LRRC43: variants seen among roughly 807,000 people sequenced by gnomAD.
The protein encoded by LRRC43 is leucine-rich repeat-containing protein 43.
Under a neutral mutation model 64.3 loss-of-function variants are expected in LRRC43, and 62 were observed. The observed-to-expected ratio is 0.96, with a 90% CI of 0.79 to 1.19. The LOEUF (loss-of-function observed/expected upper bound fraction) is 1.19, where lower values mean the gene tolerates loss of function less well. Ranked by LOEUF, LRRC43 falls within the 50% of genes most tolerant of loss-of-function variation. The pLI is 0.00. For synonymous variants in LRRC43, 422 were observed against 382.3 expected, an observed-to-expected ratio of 1.10 and a Z score of -1.21; for missense variants, 868 against 845.0, an observed-to-expected ratio of 1.03 and a Z score of -0.34.
chr12:122,183,339 G>A (rs1474190640), intron 1 of LRRC43, 45 bp downstream of exon 1: 2 of 1,399,832 alleles, frequency 1.4e-6, no homozygotes, highest in Non-Finnish European at 1.8e-6. Flanking sequence ...GACCGGCTGC[G>A]GGGAGGCACG....
intron 2 of LRRC43, among the ~76,000 whole-genome samples, chr12:122,185,134 C>T (rs925913506): frequency 6.6e-6 from 1 of 152,064 alleles, no homozygotes; most frequent in Non-Finnish European, 1.5e-5. Context: ...TGGTGTAGTT[C>T]TATTTTAATT....
chr12:122,203,440 T>C lies in LRRC43; in HGVS notation c.1969T>C (p.Ter657GlnextTer?), dbSNP rs753331302. The C allele has an allele frequency of 1.2e-6, 2 of 1,610,460 alleles. No individual in the cohort carries two copies. The highest frequency in any genetic ancestry group is 2.2e-5 in the East Asian group (1 of 44,824). Residue 657 changes from the stop codon to glutamine (Q), a stop_lost, in exon 12 of 12, where the codon TAG (stop) becomes CAG (glutamine). Transcript: ENST00000339777. Reference protein sequence around the residue: ...AEEALRMFAV* With the variant: ...AEEALRMFAVQ ...GGAGGCTCTGCGCATGTTCGCCGTG[T>C]AGGGCGTGGGCAGTAAAGGCTGTTC...
At chr12:122,173,340 A>G (rs1322516846) in intron 1 of LRRC43, among the ~76,000 whole-genome samples, 25 of 152,226 alleles carry the variant, frequency 1.6e-4, no homozygotes, top group Non-Finnish European at 4.4e-5. Context: ...TGAGAAGAGT[A>G]ATGCCAATTT....
chr12:122,194,812 C>G (rs1485909200), intron 7 of LRRC43, among the ~76,000 whole-genome samples: 1 of 152,050 alleles, frequency 6.6e-6, no homozygotes, highest in Admixed American at 6.6e-5. Flanking sequence ...ATTCTCACCC[C>G]CATTTCCTTC....
chr12:122,187,506 A>G (rs550705478), intron 3 of LRRC43, 195 bp from the exon 4 acceptor site: 38 of 547,568 alleles, frequency 6.9e-5, no homozygotes, highest in African/African-American at 4.9e-4. Context: ...ACAAAAGGAA[A>G]AGAAACTTCC....
upstream of LRRC43, among the ~76,000 whole-genome samples, chr12:122,178,464 T>TCAAAATCAAC (rs1953555604): frequency 6.6e-6 from 1 of 151,628 alleles, no homozygotes; most frequent in East Asian, 1.9e-4. Flanking sequence ...CAGTGATACC[T>TCAAAATCAAC]CAAAATCAAC....
At chr12:122,192,605 T>TTCC (rs1953730732) in intron 6 of LRRC43, 140 bp from the exon 7 acceptor site, 1 of 938,882 alleles carries the variant, frequency 1.1e-6, no homozygotes, top group Non-Finnish European at 1.6e-6. Context: ...TCTAAGCGCC[T>TTCC]TCCTGCCTCC....
At chr12:122,170,244 T>G (rs1953473225) in intron 1 of LRRC43, among the ~76,000 whole-genome samples, 1 of 152,152 alleles carries the variant, frequency 6.6e-6, no homozygotes, top group African/African-American at 2.4e-5. Context: ...TGTAGGACAG[T>G]CAAAAAGAGA....
At chr12:122,196,309 T>C (rs1196295555) in intron 7 of LRRC43, among the ~76,000 whole-genome samples, 2 of 152,252 alleles carry the variant, frequency 1.3e-5, no homozygotes, top group African/African-American at 2.4e-5. Context: ...TTAAGTTATA[T>C]TCCTTAGTTT....
At chr12:122,174,844 CTTTTTTT>C (rs765071459) in intron 1 of LRRC43, among the ~76,000 whole-genome samples, 2 of 142,308 alleles carry the variant, frequency 1.4e-5, no homozygotes, top group African/African-American at 2.6e-5. Context: ...TATCTTTTTT[CTTTTTTT>C]TTTTTTTGAG....
chr12:122,181,052 C>A (rs1246012631), upstream of LRRC43, among the ~76,000 whole-genome samples: 1 of 150,868 alleles, frequency 6.6e-6, no homozygotes, highest in Non-Finnish European at 1.5e-5. Context: ...CCCATCTGTA[C>A]TAAAAATACA....
chr12:122,182,922 A>G, upstream of LRRC43: 1 of 606,948 alleles, frequency 1.6e-6, no homozygotes, highest in Non-Finnish European at 2.7e-6. Flanking sequence ...GCTAAGAAAC[A>G]GGTCAGCTAT....
At chr12:122,180,853 T>C (rs1953575205), upstream of LRRC43, among the ~76,000 whole-genome samples, 1 of 152,166 alleles carries the variant, frequency 6.6e-6, no homozygotes, top group African/African-American at 2.4e-5. Flanking sequence ...CCATCAAAAT[T>C]GCAGGAGCCA....
chr12:122,195,322 C>T (rs78888605), intron 7 of LRRC43, among the ~76,000 whole-genome samples: 5,122 of 151,666 alleles, frequency 0.034, 303 homozygotes, highest in African/African-American at 0.12. Flanking sequence ...GATCTTGGCT[C>T]ACTGCAACCT....
chr12:122,203,068 G>C (rs1381661582), intron 11 of LRRC43, among the ~76,000 whole-genome samples: 1 of 152,200 alleles, frequency 6.6e-6, no homozygotes, highest in Non-Finnish European at 1.5e-5. Context: ...TCCAGCCTGG[G>C]CGACGGAGCA....
intron 7 of LRRC43, among the ~76,000 whole-genome samples, chr12:122,193,312 C>T (rs1447065371): frequency 7.7e-6 from 1 of 130,384 alleles, no homozygotes. Flanking sequence ...ACCCAGGAGG[C>T]GGGGCTTGCA....
intron 11 of LRRC43, among the ~76,000 whole-genome samples, chr12:122,201,691 A>G (rs1953840570): frequency 6.6e-6 from 1 of 152,204 alleles, no homozygotes; most frequent in Non-Finnish European, 1.5e-5. Context: ...GAGCTGGAGA[A>G]GCATCTGAAA....
intron 1 of LRRC43, among the ~76,000 whole-genome samples, chr12:122,171,676 A>G (rs958136490): frequency 6.6e-6 from 1 of 151,714 alleles, no homozygotes; most frequent in Admixed American, 6.6e-5. Context: ...GGCCATCACC[A>G]TCGCCATTTC....
At chr12:122,168,111 G>A (rs1953455856) in intron 1 of LRRC43, among the ~76,000 whole-genome samples, 2 of 146,198 alleles carry the variant, frequency 1.4e-5, no homozygotes, top group South Asian at 4.6e-4. Context: ...CAACACACCT[G>A]GCAAAAAAAA....
Sources: gnomAD v4.1 joint callset for allele counts (sites outside exome capture counted in the v4.1 genomes callset) on GRCh38, gnomAD v4.1.1 for gene constraint, MANE v1.5 for transcripts, NCBI Gene and HGNC (gene_info 2026-07-23, HGNC 2026-07-21) for gene names.